Variants in DNAH10 observed in about 807,000 individuals in gnomAD.
DNAH10 encodes dynein axonemal heavy chain 10.
In DNAH10, 348 loss-of-function variants were observed where a neutral mutation model predicts 506.6. The observed-to-expected ratio is 0.69, with a 90% CI of 0.63 to 0.75. DNAH10 has a LOEUF of 0.75. Among genes scored for constraint, DNAH10 ranks in the 30% least tolerant of loss-of-function variants. The pLI is 0.00. For synonymous variants in DNAH10, 2,059 were observed against 2,198.6 expected, an observed-to-expected ratio of 0.94 and a Z score of 1.78; for missense variants, 5,179 against 5,787.1, an observed-to-expected ratio of 0.89 and a Z score of 3.41.
Position 123,877,785 on chromosome 12 carries a change from C to T in DNAH10, c.8249C>T (p.Thr2750Met), listed in dbSNP as rs186076361. The T allele has an allele frequency of 1.4e-3, 2,275 of 1,613,776 alleles. No homozygotes were observed. Among genetic ancestry groups the T allele is most frequent in the Non-Finnish European group, 1.7e-3 (2,035 of 1,179,888 alleles). The change falls in exon 48 of 79, where the codon ACG becomes ATG. Residue 2750 changes from threonine to methionine, a missense_variant. By Grantham distance (81) the Thr-to-Met change is moderately conservative. Around this residue, in one of 3 missense-constraint regions of DNAH10, gnomAD observed 4,844 missense variants for 5,430.5 expected, o/e 0.89. Transcript: ENST00000673944. ...GTGAGTGGCAAGCTGACATTCTGCA[C>T]GCTAGCACTTTACAAAAATATTGTG... ...VAVSGKLTFC[T>M]LALYKNIVQD...
chr12:123,867,674 G>A (rs1473346768), intron 42 of DNAH10, 73 bp downstream of exon 42: 2 of 1,586,768 alleles, frequency 1.3e-6, no homozygotes, highest in Admixed American at 1.8e-5. Flanking sequence ...GGTTTTAAAG[G>A]GAGTGAAGAT....
intron 21 of DNAH10, 117 bp from the exon 22 acceptor site, chr12:123,818,833 T>A (rs1030918757): frequency 2.9e-6 from 2 of 679,128 alleles, no homozygotes; most frequent in African/African-American, 1.8e-5. Context: ...TGGTTTGAAT[T>A]ACCTAGCCTC....
intron 58 of DNAH10, 111 bp from the exon 59 acceptor site, chr12:123,910,425 C>T: frequency 7.3e-7 from 1 of 1,377,898 alleles, no homozygotes; most frequent in Non-Finnish European, 1.0e-6. Flanking sequence ...TTTGTGCATT[C>T]TGCTCACAGG....
chr12:123,920,594 C>T (rs1954680496), intron 65 of DNAH10, among the ~76,000 whole-genome samples: 1 of 152,210 alleles, frequency 6.6e-6, no homozygotes, highest in Admixed American at 6.5e-5. Flanking sequence ...AGGCCATTAT[C>T]ATATCCCCAA....
chr12:123,901,333 C>T (rs1412833016), intron 56 of DNAH10, among the ~76,000 whole-genome samples: 1 of 152,352 alleles, frequency 6.6e-6, no homozygotes, highest in East Asian at 1.9e-4. Context: ...TTCCTTTCTG[C>T]TTTTCTGTTC....
chr12:123,833,025 C>A, intron 26 of DNAH10, 89 bp from the exon 27 acceptor site: 1 of 1,008,298 alleles, frequency 9.9e-7, no homozygotes, highest in Non-Finnish European at 1.5e-6. Context: ...CATTGTTGGC[C>A]AAAAGCAAGC....
intron 25 of DNAH10, among the ~76,000 whole-genome samples, chr12:123,828,863 A>G (rs1231323065): frequency 6.6e-6 from 1 of 152,138 alleles, no homozygotes; most frequent in Non-Finnish European, 1.5e-5. Flanking sequence ...CACAAAGAGG[A>G]GACTTTCCCT....
At chr12:123,817,050 G>A (rs1340090556) in intron 21 of DNAH10, among the ~76,000 whole-genome samples, 2 of 145,082 alleles carry the variant, frequency 1.4e-5, no homozygotes, top group Non-Finnish European at 3.0e-5. Context: ...TGACGGAGGA[G>A]TTGACTGTTA....
At chr12:123,900,142 C>T (rs746123451) in intron 56 of DNAH10, among the ~76,000 whole-genome samples, 2 of 152,204 alleles carry the variant, frequency 1.3e-5, no homozygotes, top group Non-Finnish European at 2.9e-5. Flanking sequence ...CTTCTTTCTT[C>T]CTGTCCATGT....
intron 62 of DNAH10, among the ~76,000 whole-genome samples, chr12:123,915,747 A>G (rs1954449974): frequency 6.6e-6 from 1 of 152,184 alleles, no homozygotes. Flanking sequence ...ATGAACAGAC[A>G]CATTGTGTTC....
At chr12:123,826,175 A>G (rs1959974252) in intron 24 of DNAH10, among the ~76,000 whole-genome samples, 1 of 152,224 alleles carries the variant, frequency 6.6e-6, no homozygotes, top group Non-Finnish European at 1.5e-5. Flanking sequence ...AATATAACAC[A>G]GAAAATCTTC....
intron 5 of DNAH10, among the ~76,000 whole-genome samples, chr12:123,775,348 A>G (rs138877637): frequency 0.015 from 2,346 of 152,248 alleles, 17 homozygotes; most frequent in South Asian, 0.032. Flanking sequence ...GGCTCAAACA[A>G]TCTGCCCGCC....
Position 123,909,171 on chromosome 12 carries a change from TG to T in DNAH10, c.9816-88del, listed in dbSNP as rs1953950068. On this transcript the variant is annotated intron_variant, in intron 57 of 78. Coordinates refer to ENST00000673944, the MANE Select transcript of DNAH10 (RefSeq NM_001372106.1). This position sits in a 1 kb window ranked among gnomAD's most constrained non-coding sequence, Gnocchi z 5.4. The stretch of plus-strand genomic sequence containing the variant: ...AGCAGTAGCTCCAGGGACTGTCTTT[TG>T]GTTGAGCTCGTTTTTCTGGAGCTCT... 6.6e-7 allele frequency: 1 copy of T among 1,509,312 alleles called. No individual in the cohort carries two copies. Among genetic ancestry groups the T allele is most frequent in the Non-Finnish European group, 9.0e-7 (1 of 1,112,596 alleles). The allele number at this position is 1,509,312 out of a possible 1,614,324, so 93.5% of individuals were successfully genotyped here.
chr12:123,898,790 G>GCCT lies in DNAH10; in HGVS notation c.9616_9617insCCT (p.Glu3206delinsAlaTer). The GCCT allele has an allele frequency of 6.2e-7, 1 of 1,611,480 alleles. No homozygotes were observed. The highest frequency in any genetic ancestry group is 1.1e-5 in the South Asian group (1 of 90,386). On this transcript the variant is annotated stop_gained and protein_altering_variant, in exon 56 of 79. Coordinates refer to ENST00000673944, the MANE Select transcript of DNAH10 (RefSeq NM_001372106.1). LOFTEE classifies it high-confidence loss of function. ...CGCCGCCTGCGAGGCCTTGCTGGAGGAGATCGCCGTCAACACCGCTGTAGG... is the reference window on the plus strand; with the variant it reads ...CGCCGCCTGCGAGGCCTTGCTGGAGGCCTAGATCGCCGTCAACACCGCTGTAGG...
intron 43 of DNAH10, among the ~76,000 whole-genome samples, chr12:123,869,912 C>T (rs1350936579): frequency 2.0e-5 from 3 of 152,190 alleles, no homozygotes; most frequent in East Asian, 1.9e-4. Context: ...CCGCATTGTC[C>T]GTTGTTCCTG....
chr12:123,841,552 C>T lies in DNAH10; in HGVS notation c.5360+7C>T, dbSNP rs891854778. ...ACTGTGAAGACAGAAGCAGGTAAGG[C>T]TGCGAATGTGGACATGCATTGCTCT... On this transcript the variant is annotated splice_region_variant and intron_variant, in intron 30 of 78. Transcript: ENST00000673944. 5.6e-6 allele frequency: 9 copies of T among 1,612,224 alleles called. No homozygotes were observed. The highest frequency in any genetic ancestry group is 7.6e-6 in the Non-Finnish European group (9 of 1,178,812).
intron 18 of DNAH10, among the ~76,000 whole-genome samples, chr12:123,806,628 A>C (rs1958682786): frequency 6.6e-6 from 1 of 152,072 alleles, no homozygotes; most frequent in Non-Finnish European, 1.5e-5. Context: ...AGTTTCGCAA[A>C]CTTCTCTAAG....
rs532174823 is a variant in DNAH10 at position 123,872,448 on chromosome 12, T to C, written c.7785+846T>C. Reference sequence around the variant, plus strand: ...TCACAACACCCCTACCCCAGGACTCTGCAGCTGGTGCTCATCAGCCCAGCC... The same window carrying C: ...TCACAACACCCCTACCCCAGGACTCCGCAGCTGGTGCTCATCAGCCCAGCC... On this transcript the variant is annotated intron_variant, in intron 45 of 78. Coordinates refer to ENST00000673944, the MANE Select transcript of DNAH10 (RefSeq NM_001372106.1). Among the ~76,000 whole-genome samples the C allele has an allele frequency of 3.9e-5, 6 of 152,290 alleles. No individual in the cohort carries two copies. In the East Asian group the frequency reaches 7.7e-4, roughly 20 times the overall value.
intron 13 of DNAH10, among the ~76,000 whole-genome samples, chr12:123,798,095 A>G (rs1251956034): frequency 1.3e-5 from 2 of 152,206 alleles, no homozygotes; most frequent in Admixed American, 1.3e-4. Flanking sequence ...TTAATCATCT[A>G]AATCATTTCC....
Sources: allele counts gnomAD v4.1 joint callset (sites outside exome capture counted in the v4.1 genomes callset), GRCh38; gene constraint gnomAD v4.1.1; regional missense constraint gnomAD v4.1.1; non-coding constraint Gnocchi (gnomAD v3.1); transcripts MANE v1.5; gene names NCBI Gene and HGNC (gene_info 2026-07-23, HGNC 2026-07-21).